XYLT1: variants seen among roughly 807,000 people sequenced by gnomAD.
The protein encoded by XYLT1 is beta-D-xylosyltransferase 1.
XYLT1 carries 36 observed loss-of-function variants against 91.3 expected under a neutral mutation model. The observed-to-expected ratio is 0.39, with a 90% confidence interval of 0.30 to 0.52. The LOEUF (loss-of-function observed/expected upper bound fraction) is 0.52, where lower values mean the gene tolerates loss of function less well. Ranked by LOEUF, XYLT1 falls within the 20% of genes least tolerant of loss-of-function variation. The pLI is 0.68. For missense variants in XYLT1, 1,242 were observed against 1,284.5 expected (o/e 0.97, Z 0.51); for synonymous variants, 588 against 532.0 (o/e 1.11, Z -1.45).
At chr16:17,240,232 C>T (rs1002849133) in intron 3 of XYLT1, among the ~76,000 whole-genome samples, 3 of 152,140 alleles carry the variant, frequency 2.0e-5, no homozygotes, top group African/African-American at 7.2e-5. Context: ...CAGCTACAGT[C>T]TGCTTTCTCT....
intron 1 of XYLT1, among the ~76,000 whole-genome samples, chr16:17,463,942 A>T (rs1479246965): frequency 1.3e-5 from 2 of 152,342 alleles, no homozygotes; most frequent in East Asian, 1.9e-4. Context: ...CAGCAACATG[A>T]ATAAACCGGA....
chr16:17,315,871 C>G (rs1298578957), intron 2 of XYLT1, among the ~76,000 whole-genome samples: 1 of 152,096 alleles, frequency 6.6e-6, no homozygotes, highest in East Asian at 1.9e-4. Flanking sequence ...TCGGCAAGTC[C>G]CTGGTAGGAG....
chr16:17,240,263 G>A (rs550914365), intron 3 of XYLT1, among the ~76,000 whole-genome samples: 180 of 152,280 alleles, frequency 1.2e-3, no homozygotes, highest in African/African-American at 3.9e-3. Context: ...GGAACAGGGA[G>A]AATGGGTGAG....
intron 1 of XYLT1, among the ~76,000 whole-genome samples, chr16:17,397,092 C>T (rs1473747764): frequency 6.6e-6 from 1 of 151,956 alleles, no homozygotes; most frequent in Non-Finnish European, 1.5e-5. Flanking sequence ...TTATCTGCTC[C>T]TTTAAGAAAA....
chr16:17,291,085 C>T (rs963587746), intron 2 of XYLT1, among the ~76,000 whole-genome samples: 3 of 152,204 alleles, frequency 2.0e-5, no homozygotes, highest in Non-Finnish European at 4.4e-5. Context: ...CAGGTGCACA[C>T]CACCACACCT....
At chr16:17,223,939 G>A (rs1204615135) in intron 3 of XYLT1, among the ~76,000 whole-genome samples, 1 of 152,184 alleles carries the variant, frequency 6.6e-6, no homozygotes, top group East Asian at 1.9e-4. Context: ...AACAAACATT[G>A]CTACGTTTGA....
intron 4 of XYLT1, among the ~76,000 whole-genome samples, chr16:17,199,915 G>A (rs536826751): frequency 6.6e-6 from 1 of 152,208 alleles, no homozygotes; most frequent in Admixed American, 6.5e-5. Context: ...TTGGGTAGAG[G>A]GGAGAGGTAA....
intron 5 of XYLT1, chr16:17,193,734 G>A (rs2032369556): frequency 6.6e-6 from 1 of 152,242 alleles, no homozygotes; most frequent in African/African-American, 2.4e-5. Flanking sequence ...GGTTTTGGAA[G>A]CTACAGATGG....
At chr16:17,421,662 G>A (rs890294276) in intron 1 of XYLT1, among the ~76,000 whole-genome samples, 1 of 152,088 alleles carries the variant, frequency 6.6e-6, no homozygotes, top group Middle Eastern at 3.2e-3. Context: ...CCAGACAGAC[G>A]GACGATAAAG....
At chr16:17,392,920 G>A (rs1035315308) in intron 1 of XYLT1, among the ~76,000 whole-genome samples, 1 of 152,178 alleles carries the variant, frequency 6.6e-6, no homozygotes, top group African/African-American at 2.4e-5. Flanking sequence ...ATAAGTGACT[G>A]TTCCCCTACC....
At chr16:17,121,612 G>A (rs1291151937) in intron 10 of XYLT1, among the ~76,000 whole-genome samples, 2 of 151,942 alleles carry the variant, frequency 1.3e-5, no homozygotes, top group Admixed American at 1.3e-4. Context: ...ATAGGTTTTT[G>A]GGGAACAGGT....
At chr16:17,138,799 A>ACTC (rs1175022315) in intron 7 of XYLT1, 1 of 377,058 alleles carries the variant, frequency 2.7e-6, no homozygotes, top group Non-Finnish European at 5.0e-6. Flanking sequence ...CTGTCAAGGG[A>ACTC]CTCTTATGTT....
Position 17,439,185 on chromosome 16 carries a change from C to T in XYLT1, c.363+31249G>A, listed in dbSNP as rs1004138922. On this transcript the variant is annotated intron_variant, in intron 1 of 11. Transcript: ENST00000261381. ...TCAAGTATGGCAGGCACATGGCATA[C>T]GTGGCACAATTTCTTCCTCCTGCAT... 1.1e-4 allele frequency among the ~76,000 whole-genome samples: 16 copies of T among 152,300 alleles called. No individual in the cohort carries two copies. The East Asian group carries it at 1.5e-3, about 15-fold the overall frequency.
chr16:17,309,377 G>A (rs1363683079), intron 2 of XYLT1, among the ~76,000 whole-genome samples: 1 of 152,174 alleles, frequency 6.6e-6, no homozygotes. Flanking sequence ...GACACACCGT[G>A]GGTCCTCACT....
chr16:17,423,135 G>A (rs2141923951), intron 1 of XYLT1, among the ~76,000 whole-genome samples: 1 of 149,638 alleles, frequency 6.7e-6, no homozygotes, highest in South Asian at 2.1e-4. Context: ...CTAATATCCT[G>A]GACACCTCGC....
chr16:17,270,120 C>G (rs2033865952), intron 2 of XYLT1, among the ~76,000 whole-genome samples: 1 of 152,220 alleles, frequency 6.6e-6, no homozygotes, highest in African/African-American at 2.4e-5. Context: ...GCTTCCTTCT[C>G]TCTTTAAAAC....
At chr16:17,412,665 A>G (rs996354448) in intron 1 of XYLT1, among the ~76,000 whole-genome samples, 12 of 152,114 alleles carry the variant, frequency 7.9e-5, no homozygotes, top group South Asian at 6.2e-4. Context: ...TTCCCAGTGG[A>G]AACAGGACAG....
rs587777368 is a variant in XYLT1 at position 17,259,462 on chromosome 16, G to A, written c.439C>T (p.Arg147Ter). ...GAGTTCTCGTTGTTGCTGTCTGTTC[G>A]CACTTTCTCTTTCGGCCGATGAGAA... ...YFSHRPKEKV[R>*]TDSNNENSVP... is the part of the protein sequence containing the mutation. The change falls in exon 3 of 12, where the codon CGA becomes TGA. Residue 147 changes from arginine to a stop codon, truncating the protein, a stop_gained. Coordinates refer to ENST00000261381, the MANE Select transcript of XYLT1 (RefSeq NM_022166.4). LOFTEE classifies it high-confidence loss of function. 5 of 1,611,550 alleles carry A rather than the reference G, an allele frequency of 3.1e-6. No individual in the cohort carries two copies. The highest frequency in any genetic ancestry group is 1.3e-5 in the African/African-American group (1 of 74,854).
rs143634894 is a variant in XYLT1, at chr16:17,259,166, G to A, written c.735C>T (p.Ser245=). The part of the protein sequence containing the change: ...RPPHARKTGG[S]SPETKYDQPP... Reference sequence around the variant, plus strand: ...GCTGGTCATACTTGGTCTCGGGGGAGCTGCCCCCAGTTTTCCTGGCATGAG... The same window carrying A: ...GCTGGTCATACTTGGTCTCGGGGGAACTGCCCCCAGTTTTCCTGGCATGAG... The change falls in exon 3 of 12, where the codon AGC becomes AGT. Residue 245 remains serine, a synonymous_variant. Coordinates refer to ENST00000261381, the MANE Select transcript of XYLT1 (RefSeq NM_022166.4). 2.6e-5 allele frequency: 42 copies of A among 1,599,532 alleles called. No homozygotes were observed. Among genetic ancestry groups the A allele is most frequent in the Non-Finnish European group, 3.1e-5 (36 of 1,173,002 alleles).
Sources: gnomAD v4.1 joint callset for allele counts (sites outside exome capture counted in the v4.1 genomes callset) on GRCh38, gnomAD v4.1.1 for gene constraint, MANE v1.5 for transcripts, NCBI Gene and HGNC (gene_info 2026-07-23, HGNC 2026-07-21) for gene names.